Variants in ERCC8 observed in about 807,000 individuals in gnomAD.
The protein encoded by ERCC8 is DNA excision repair protein ERCC-8.
ERCC8 carries 52 observed loss-of-function variants against 54.9 expected under a neutral mutation model. The observed-to-expected ratio is 0.95, with a 90% confidence interval of 0.76 to 1.19. The LOEUF is 1.19. Ranked by LOEUF, ERCC8 falls within the 50% of genes most tolerant of loss-of-function variation. ERCC8 has a pLI of 0.00. For synonymous variants in ERCC8, 146 were observed against 157.2 expected (o/e 0.93, Z 0.53); for missense variants, 514 against 466.1 (o/e 1.10, Z -0.95).
chr5:60,922,293 C>T (rs1437671791), intron 2 of ERCC8, 138 bp from the exon 3 acceptor site: 1 of 535,358 alleles, frequency 1.9e-6, no homozygotes, highest in African/African-American at 1.9e-5. Context: ...TAAGTTAATC[C>T]TCAATAACAC....
rs1158986249 is a variant in ERCC8, at chr5:60,869,000, G to T, written c.*5615C>A. Reference sequence around the variant, plus strand: ...GGCTTGCCATTCCATTTCTGGCATAGTTAGAGTGATTTTAAGTTTACTGCT... The same window carrying T: ...GGCTTGCCATTCCATTTCTGGCATATTTAGAGTGATTTTAAGTTTACTGCT... On this transcript the variant is annotated 3_prime_UTR_variant, in exon 12 of 12. Transcript: ENST00000676185. Among the ~76,000 whole-genome samples, 3 of 152,144 alleles carry T rather than the reference G, an allele frequency of 2.0e-5. No homozygotes were observed. In the East Asian group the frequency reaches 5.8e-4, roughly 29 times the overall value.
intron 1 of ERCC8, among the ~76,000 whole-genome samples, chr5:60,937,943 TCTC>T: frequency 6.6e-6 from 1 of 151,490 alleles, no homozygotes; most frequent in Non-Finnish European, 1.5e-5. Context: ...TTCCTCTCAT[TCTC>T]CTCTGTTTTA....
chr5:60,894,279 C>A (rs577961608), intron 9 of ERCC8, among the ~76,000 whole-genome samples: 2 of 152,082 alleles, frequency 1.3e-5, no homozygotes, highest in Non-Finnish European at 2.9e-5. Flanking sequence ...CCACTGCGCC[C>A]GGCTGGGAAT....
Position 60,891,102 on chromosome 5 carries a change from A to G in ERCC8, c.844-16T>C. Reference sequence around the variant, plus strand: ...CATAGTTCACCTGTAGGATTAAAATAATAAGGTTACTCATCTCTGAAATCT... The same window carrying G: ...CATAGTTCACCTGTAGGATTAAAATGATAAGGTTACTCATCTCTGAAATCT... On this transcript the variant is annotated splice_polypyrimidine_tract_variant and intron_variant, in intron 9 of 11. Coordinates refer to ENST00000676185, the MANE Select transcript of ERCC8 (RefSeq NM_000082.4). The G allele has an allele frequency of 6.6e-7, 1 of 1,519,864 alleles. No homozygotes were observed. Among genetic ancestry groups the G allele is most frequent in the Admixed American group, 1.7e-5 (1 of 59,736 alleles). 94.1% of individuals were successfully genotyped at this position (1,519,864 alleles called of 1,614,324 possible). A position where few individuals can be genotyped will look rare whatever the true frequency, so the allele number is the denominator to read the frequency against.
rs953292565 is a variant in ERCC8, at chr5:60,937,540, C to T, written c.77+7392G>A. The stretch of plus-strand genomic sequence containing the variant: ...TATGTTCCCAGGGGGATTATGGCTG[C>T]CTCTGCTGTGTCACACAGGTCACCA... On this transcript the variant is annotated intron_variant, in intron 1 of 11. Coordinates refer to ENST00000676185, the MANE Select transcript of ERCC8 (RefSeq NM_000082.4). Among the ~76,000 whole-genome samples, 5 of 152,150 alleles carry T rather than the reference C, an allele frequency of 3.3e-5. No homozygotes were observed. The South Asian group carries it at 6.2e-4, about 19-fold the overall frequency.
chr5:60,927,334 G>A (rs1405600483), intron 2 of ERCC8, among the ~76,000 whole-genome samples: 2 of 152,156 alleles, frequency 1.3e-5, no homozygotes, highest in African/African-American at 4.8e-5. Flanking sequence ...GTTTTCCACA[G>A]AATGTACGCT....
chr5:60,921,749 CTAAT>C (rs920849312), intron 3 of ERCC8, among the ~76,000 whole-genome samples: 13 of 151,840 alleles, frequency 8.6e-5, no homozygotes, highest in Non-Finnish European at 1.5e-4. Flanking sequence ...ACTAAAAACT[CTAAT>C]TAGTTACTGA....
intron 4 of ERCC8, among the ~76,000 whole-genome samples, chr5:60,908,545 G>C (rs143126203): frequency 1.3e-5 from 2 of 148,684 alleles, no homozygotes; most frequent in East Asian, 3.9e-4. Context: ...AGAGAACCTG[G>C]GGGTCATTCA....
intron 6 of ERCC8, chr5:60,903,297 A>G (rs1205905200): frequency 5.4e-6 from 1 of 184,578 alleles, no homozygotes; most frequent in Non-Finnish European, 1.1e-5. Flanking sequence ...CCTAAATATT[A>G]AGAACAATGT....
rs1747782619 is a variant in ERCC8, at chr5:60,867,718, G to T, written c.*6897C>A. On this transcript the variant is annotated 3_prime_UTR_variant, in exon 12 of 12. Transcript: ENST00000676185. ...GGGTGTAGAGAAGCTGGAATTAAGT[G>T]TTTGAGCCACATGGGAGAAGCAGCT... is the stretch of plus-strand genomic sequence containing the variant. Among the ~76,000 whole-genome samples the T allele has an allele frequency of 6.6e-6, 1 of 152,200 alleles. No individual in the cohort carries two copies. Among genetic ancestry groups the T allele is most frequent in the African/African-American group, 2.4e-5 (1 of 41,452 alleles).
intron 1 of ERCC8, chr5:60,932,041 C>A (rs1432597311): frequency 1.3e-5 from 2 of 152,252 alleles, no homozygotes; most frequent in African/African-American, 4.8e-5. Context: ...ACTACTTCCT[C>A]AACCTGCTCA....
Position 60,871,653 on chromosome 5 carries a change from C to T in ERCC8, c.*2962G>A, listed in dbSNP as rs1478415526. On this transcript the variant is annotated 3_prime_UTR_variant, in exon 12 of 12. Coordinates refer to ENST00000676185, the MANE Select transcript of ERCC8 (RefSeq NM_000082.4). ...GTATTATAATTCCAGGTGACCACTA[C>T]CTTCCTTTTTAGATTTTTATGTTGT... 5.9e-5 allele frequency among the ~76,000 whole-genome samples: 9 copies of T among 152,042 alleles called. No homozygotes were observed. In the East Asian group the frequency reaches 9.6e-4, roughly 16 times the overall value.
intron 4 of ERCC8, among the ~76,000 whole-genome samples, chr5:60,907,890 T>C (rs905705541): frequency 3.9e-5 from 6 of 152,208 alleles, no homozygotes; most frequent in African/African-American, 1.2e-4. Flanking sequence ...ATCGCACTAC[T>C]GTAAATCACA....
At chr5:60,909,326 G>A (rs192758544) in intron 4 of ERCC8, among the ~76,000 whole-genome samples, 2 of 129,242 alleles carry the variant, frequency 1.5e-5, no homozygotes, top group Admixed American at 1.8e-4. Flanking sequence ...TATGGGCTCT[G>A]AAACTAAAGC....
At chr5:60,929,791 C>T (rs1749854624) in intron 1 of ERCC8, among the ~76,000 whole-genome samples, 1 of 151,990 alleles carries the variant, frequency 6.6e-6, no homozygotes, top group Admixed American at 6.6e-5. Context: ...AATTACAATG[C>T]CTAGTACATT....
Position 60,933,942 on chromosome 5 carries a change from C to T in ERCC8, c.78-4983G>A, listed in dbSNP as rs574933824. ...TGGCTGAGTAGTATTCCATGATACACACACACACACACACAACCACATTTT... is the reference window on the plus strand; with the variant it reads ...TGGCTGAGTAGTATTCCATGATACATACACACACACACACAACCACATTTT... On this transcript the variant is annotated intron_variant, in intron 1 of 11. Transcript: ENST00000676185. 1.2e-4 allele frequency among the ~76,000 whole-genome samples: 19 copies of T among 152,128 alleles called. No individual in the cohort carries two copies. In the East Asian group the frequency reaches 1.9e-3, roughly 15 times the overall value.
intron 3 of ERCC8, chr5:60,918,740 T>C: frequency 3.1e-6 from 1 of 318,988 alleles, no homozygotes; most frequent in South Asian, 3.0e-5. Context: ...GGTTTTGGAT[T>C]TGCTTTTCCA....
intron 9 of ERCC8, 53 bp downstream of exon 9, chr5:60,898,223 T>C: frequency 6.4e-7 from 1 of 1,563,230 alleles, no homozygotes; most frequent in South Asian, 1.1e-5. Context: ...CAAGTGTATG[T>C]CACAGATCCA....
intron 11 of ERCC8, among the ~76,000 whole-genome samples, chr5:60,885,270 T>C (rs1268554555): frequency 6.6e-6 from 1 of 152,138 alleles, no homozygotes; most frequent in Admixed American, 6.5e-5. Flanking sequence ...CACCTCAGCC[T>C]CTCAAAGTGC....
Sources: gnomAD v4.1 joint callset for allele counts (sites outside exome capture counted in the v4.1 genomes callset) on GRCh38, gnomAD v4.1.1 for gene constraint, MANE v1.5 for transcripts, NCBI Gene and HGNC (gene_info 2026-07-23, HGNC 2026-07-21) for gene names.